The following SGCD variants were observed in gnomAD, a reference collection of about 807,000 sequenced individuals.
SGCD encodes the protein sarcoglycan delta.
In SGCD, 18 loss-of-function variants were observed where a neutral mutation model predicts 36.6. The ratio of observed to expected loss-of-function variants is 0.49; its 90% CI spans 0.34 to 0.73. The LOEUF is 0.73. Among genes scored for constraint, SGCD ranks in the 30% least tolerant of loss-of-function variants. The pLI, the probability that SGCD is intolerant of heterozygous loss-of-function variation, is 0.01. For synonymous variants in SGCD, 133 were observed against 130.6 expected (o/e 1.02, Z -0.12); for missense variants, 387 against 346.7 (o/e 1.12, Z -0.92).
At chr5:156,266,191 T>C (rs897193971) in intron 3 of SGCD, among the ~76,000 whole-genome samples, 1 of 152,230 alleles carries the variant, frequency 6.6e-6, no homozygotes, top group African/African-American at 2.4e-5. Flanking sequence ...ACCTATTTTG[T>C]AGTGCTGGAT....
chr5:156,354,146 TA>T, intron 3 of SGCD, among the ~76,000 whole-genome samples: 1 of 152,352 alleles, frequency 6.6e-6, no homozygotes, highest in East Asian at 1.9e-4. Flanking sequence ...TTCCACAAAT[TA>T]AATGTTTTAA....
At chr5:156,478,498 G>T (rs918344244) in intron 3 of SGCD, among the ~76,000 whole-genome samples, 1 of 152,270 alleles carries the variant, frequency 6.6e-6, no homozygotes, top group South Asian at 2.1e-4. Flanking sequence ...CAATTCTGTC[G>T]CTTGGTGTCT....
chr5:156,567,434 T>A (rs1471469569), intron 4 of SGCD, among the ~76,000 whole-genome samples: 5 of 149,016 alleles, frequency 3.4e-5, no homozygotes, highest in Non-Finnish European at 7.5e-5. Flanking sequence ...AGATAGATGG[T>A]AGCTCATGTG....
chr5:155,746,708 G>A, the SGCD span, among the ~76,000 whole-genome samples: 1 of 152,086 alleles, frequency 6.6e-6, no homozygotes, highest in Non-Finnish European at 1.5e-5. Flanking sequence ...CCTTGATGAT[G>A]TGTATTTGTG....
intron 3 of SGCD, among the ~76,000 whole-genome samples, chr5:156,255,005 G>A (rs1581198711): frequency 6.6e-6 from 1 of 152,060 alleles, no homozygotes; most frequent in African/African-American, 2.4e-5. Context: ...AAAATTCTAG[G>A]TGTAAGTACT....
the SGCD span, among the ~76,000 whole-genome samples, chr5:155,796,495 A>T: frequency 6.6e-6 from 1 of 151,982 alleles, no homozygotes; most frequent in African/African-American, 2.4e-5. Flanking sequence ...ATATAAGAAA[A>T]AAAAAACACT....
chr5:155,907,706 T>A (rs1363401000), intron 1 of SGCD, among the ~76,000 whole-genome samples: 1 of 152,130 alleles, frequency 6.6e-6, no homozygotes, highest in Non-Finnish European at 1.5e-5. Flanking sequence ...CTCCTTCTTA[T>A]GGATAAGCAA....
chr5:156,359,190 A>G (rs372733819), intron 3 of SGCD, among the ~76,000 whole-genome samples: 2 of 152,200 alleles, frequency 1.3e-5, no homozygotes, highest in African/African-American at 4.8e-5. Context: ...TGTGTTATGA[A>G]AAGGAAACTG....
At chr5:155,878,673 G>C (rs1380443079) in intron 1 of SGCD, among the ~76,000 whole-genome samples, 2 of 152,112 alleles carry the variant, frequency 1.3e-5, no homozygotes, top group South Asian at 2.1e-4. Context: ...TAGCAAGGAA[G>C]AAAGGGAGAA....
chr5:156,240,268 TATAGA>T (rs1375081231), intron 3 of SGCD, among the ~76,000 whole-genome samples: 1 of 152,114 alleles, frequency 6.6e-6, no homozygotes, highest in East Asian at 1.9e-4. Context: ...TATATTCAAA[TATAGA>T]ATAGAAGTAG....
chr5:156,523,335 T>C (rs1561753469), intron 4 of SGCD, among the ~76,000 whole-genome samples: 1 of 152,168 alleles, frequency 6.6e-6, no homozygotes, highest in Non-Finnish European at 1.5e-5. Flanking sequence ...GTTGAACTCA[T>C]GAGAAGATTC....
intron 7 of SGCD, among the ~76,000 whole-genome samples, chr5:156,655,204 A>G (rs1170342452): frequency 6.6e-6 from 1 of 152,150 alleles, no homozygotes; most frequent in Non-Finnish European, 1.5e-5. Context: ...TTAAATATAC[A>G]TGTTCCTTAC....
At chr5:156,541,834 G>A (rs974376571) in intron 4 of SGCD, among the ~76,000 whole-genome samples, 2 of 152,116 alleles carry the variant, frequency 1.3e-5, no homozygotes, top group Admixed American at 6.6e-5. Context: ...AACAAAGGTC[G>A]TAGCATTGGC....
chr5:156,368,611 A>G lies in SGCD; in HGVS notation c.192+23934A>G, dbSNP rs575128763. On this transcript the variant is annotated intron_variant, in intron 3 of 8. Coordinates refer to ENST00000337851, the MANE Select transcript of SGCD (RefSeq NM_000337.6). ...AGTACTGGCTAGCAAGCAAAGCTTC[A>G]TCTGTATTTACAGCCACTCTCCATC... Among the ~76,000 whole-genome samples, 104 of 152,302 alleles carry G rather than the reference A, an allele frequency of 6.8e-4. 2 individuals carry two copies. The South Asian group carries it at 0.021, about 31-fold the overall frequency.
intron 7 of SGCD, among the ~76,000 whole-genome samples, chr5:156,673,409 C>G (rs7706067): frequency 0.027 from 4,106 of 152,260 alleles, 171 homozygotes; most frequent in African/African-American, 0.093. Context: ...AAGCCCCTGG[C>G]CTACGGTTCC....
intron 3 of SGCD, among the ~76,000 whole-genome samples, chr5:156,468,263 C>T (rs1754797651): frequency 6.7e-6 from 1 of 149,990 alleles, no homozygotes; most frequent in Non-Finnish European, 1.5e-5. Context: ...ATCACATGAG[C>T]CCAGGAGTTT....
At chr5:156,539,399 T>G (rs1758259112) in intron 4 of SGCD, among the ~76,000 whole-genome samples, 1 of 151,982 alleles carries the variant, frequency 6.6e-6, no homozygotes, top group Admixed American at 6.6e-5. Context: ...TAGTCTTCTA[T>G]CCCTCACCCC....
At chr5:156,223,354 A>C (rs1299860085) in intron 3 of SGCD, among the ~76,000 whole-genome samples, 1 of 152,130 alleles carries the variant, frequency 6.6e-6, no homozygotes, top group Admixed American at 6.6e-5. Context: ...ACCTAGAAAC[A>C]GGATCTTATT....
At chr5:156,301,807 T>C (rs80303673) in intron 3 of SGCD, among the ~76,000 whole-genome samples, 1 of 151,976 alleles carries the variant, frequency 6.6e-6, no homozygotes, top group Non-Finnish European at 1.5e-5. Context: ...TTTTTTTTTT[T>C]CCTCAGCACT....
Sources: gnomAD v4.1 joint callset for allele counts (sites outside exome capture counted in the v4.1 genomes callset) on GRCh38, gnomAD v4.1.1 for gene constraint, MANE v1.5 for transcripts, NCBI Gene and HGNC (gene_info 2026-07-23, HGNC 2026-07-21) for gene names.